The following TMPRSS15 variants were observed in gnomAD, a reference collection of about 807,000 sequenced individuals.
The protein encoded by TMPRSS15 is transmembrane serine protease 15.
A neutral mutation model predicts 125.3 loss-of-function variants in TMPRSS15; 128 were observed. That is an observed-to-expected ratio of 1.02 (90% confidence interval 0.89 to 1.18). The LOEUF is 1.18. Ranked by LOEUF, TMPRSS15 falls within the 50% of genes most tolerant of loss-of-function variation. TMPRSS15 has a pLI of 0.00. For missense variants in TMPRSS15, 1,283 were observed against 1,212.7 expected, an observed-to-expected ratio of 1.06 and a Z score of -0.86; for synonymous variants, 446 against 423.2, an observed-to-expected ratio of 1.05 and a Z score of -0.66.
chr21:18,355,431 C>A (rs1169490868), intron 8 of TMPRSS15, among the ~76,000 whole-genome samples: 1 of 151,802 alleles, frequency 6.6e-6, no homozygotes, highest in African/African-American at 2.4e-5. Flanking sequence ...TTCAGAGATA[C>A]ATGAAAATCT....
chr21:18,397,795 CTATA>C, intron 3 of TMPRSS15, 80 bp downstream of exon 3: 2 of 718,736 alleles, frequency 2.8e-6, no homozygotes. Flanking sequence ...TCCTCTTTTC[CTATA>C]TATAGTGATG....
At chr21:18,373,848 A>C (rs938219234) in intron 5 of TMPRSS15, among the ~76,000 whole-genome samples, 3 of 152,198 alleles carry the variant, frequency 2.0e-5, no homozygotes, top group African/African-American at 4.8e-5. Context: ...TCTCATGATT[A>C]ATCATTTATT....
intron 1 of TMPRSS15, among the ~76,000 whole-genome samples, chr21:18,425,444 G>C (rs897163547): frequency 2.0e-5 from 3 of 152,038 alleles, no homozygotes; most frequent in African/African-American, 7.2e-5. Context: ...CAGGAGATTA[G>C]TGAAAAGAAG....
At chr21:18,344,192 A>G (rs1202301344) in intron 10 of TMPRSS15, 132 bp from the exon 11 acceptor site, 4 of 766,694 alleles carry the variant, frequency 5.2e-6, no homozygotes, top group Admixed American at 2.4e-5. Context: ...TATAGTGGAC[A>G]GGACACTAGA....
intron 1 of TMPRSS15, among the ~76,000 whole-genome samples, chr21:18,452,639 C>G (rs1355871484): frequency 1.3e-5 from 2 of 152,142 alleles, no homozygotes; most frequent in Non-Finnish European, 2.9e-5. Flanking sequence ...TCAGTACACT[C>G]CAGCCTGTCT....
intron 1 of TMPRSS15, among the ~76,000 whole-genome samples, chr21:18,435,080 AT>A (rs201980204): frequency 1.3e-5 from 2 of 152,016 alleles, no homozygotes; most frequent in Middle Eastern, 3.4e-3. Context: ...AAAAACACCA[AT>A]TTTTTTTACA....
chr21:18,470,847 A>G (rs1227555089), intron 1 of TMPRSS15, among the ~76,000 whole-genome samples: 3 of 152,090 alleles, frequency 2.0e-5, no homozygotes, highest in African/African-American at 4.8e-5. Flanking sequence ...AATTTATACA[A>G]TGAAGGTTTT....
chr21:18,485,339 C>T (rs983654710), intron 1 of TMPRSS15, among the ~76,000 whole-genome samples: 4 of 151,700 alleles, frequency 2.6e-5, no homozygotes, highest in Non-Finnish European at 4.4e-5. Context: ...AGCTAAGACC[C>T]TCAGTTCAAT....
Position 18,352,948 on chromosome 21 carries a change from G to C in TMPRSS15, c.1126C>G (p.Pro376Ala), listed in dbSNP as rs200225629. ...WERIQGSTFS[P>A]FTGPNFDHTF... The stretch of plus-strand genomic sequence containing the variant: ...TGGTCAAAATTGGGTCCAGTAAAAG[G>C]AGAAAAGGTGCTTCCCTGAATCCTT... The change falls in exon 10 of 25, where the codon CCT becomes GCT. Residue 376 changes from proline (P) to alanine (A), a missense_variant. Transcript: ENST00000284885. The C allele has an allele frequency of 1.7e-5, 28 of 1,612,204 alleles. No individual in the cohort carries two copies. The highest frequency in any genetic ancestry group is 1.8e-5 in the Non-Finnish European group (21 of 1,178,896).
At chr21:18,365,649 C>CCTTTCTTCCTTCCTT (rs1555904783) in intron 6 of TMPRSS15, among the ~76,000 whole-genome samples, 1 of 65,812 alleles carries the variant, frequency 1.5e-5, no homozygotes, top group African/African-American at 6.9e-5. Context: ...TCTTTTTCCT[C>CCTTTCTTCCTTCCTT]CCTTCCTTCC....
At chr21:18,402,854 A>G (rs192499355) in intron 1 of TMPRSS15, among the ~76,000 whole-genome samples, 2 of 152,326 alleles carry the variant, frequency 1.3e-5, no homozygotes, top group East Asian at 3.9e-4. Context: ...GTAGCTACAC[A>G]ATACATTTGA....
chr21:18,365,558 CTT>C (rs1473026068), intron 6 of TMPRSS15, among the ~76,000 whole-genome samples: 3 of 98,582 alleles, frequency 3.0e-5, no homozygotes, highest in African/African-American at 4.3e-5. Context: ...CCTTTTCTCT[CTT>C]TCTTTCTCTC....
At chr21:18,350,108 T>A (rs980207773) in intron 10 of TMPRSS15, among the ~76,000 whole-genome samples, 2 of 152,090 alleles carry the variant, frequency 1.3e-5, no homozygotes, top group African/African-American at 4.8e-5. Context: ...AAAAAAAAGA[T>A]CAGATTATTT....
intron 1 of TMPRSS15, among the ~76,000 whole-genome samples, chr21:18,483,233 G>A (rs1319540034): frequency 6.6e-6 from 1 of 151,780 alleles, no homozygotes; most frequent in African/African-American, 2.4e-5. Flanking sequence ...AAAGCGCACT[G>A]AGTTCAGATA....
intron 19 of TMPRSS15, among the ~76,000 whole-genome samples, chr21:18,297,061 T>C (rs924815276): frequency 3.3e-5 from 5 of 152,178 alleles, no homozygotes; most frequent in African/African-American, 1.2e-4. Flanking sequence ...AGCTGTTCTT[T>C]AATGGAACTG....
intron 1 of TMPRSS15, among the ~76,000 whole-genome samples, chr21:18,436,682 CA>C (rs1225005106): frequency 6.6e-6 from 1 of 150,700 alleles, no homozygotes; most frequent in Non-Finnish European, 1.5e-5. Flanking sequence ...AGTGAACTCC[CA>C]TTCACAATTG....
chr21:18,299,734 C>G (rs963650669), intron 18 of TMPRSS15, among the ~76,000 whole-genome samples: 4 of 152,148 alleles, frequency 2.6e-5, no homozygotes, highest in African/African-American at 9.7e-5. Flanking sequence ...GACACATTCT[C>G]AAAGTGATGC....
chr21:18,343,641 A>C lies in TMPRSS15; in HGVS notation c.1293T>G (p.Gly431=). The part of the protein sequence containing the change: ...ACLSFWYHMY[G]ENVHKLSINI... The stretch of plus-strand genomic sequence containing the variant: ...TAATGCTTAATTTATGGACATTTTC[A>C]CCATACATATGATACCTAGTTTGGA... Residue 431 remains glycine, a synonymous_variant, in exon 12 of 25, where the codon GGT becomes GGG. Transcript: ENST00000284885. 6.2e-7 allele frequency: 1 copy of C among 1,613,628 alleles called. No individual in the cohort carries two copies.
intron 1 of TMPRSS15, among the ~76,000 whole-genome samples, chr21:18,436,116 T>G (rs903033378): frequency 8.6e-5 from 13 of 151,590 alleles, no homozygotes; most frequent in African/African-American, 3.2e-4. Context: ...AAGGGTTTTT[T>G]GTGTCTCTAT....
Sources: gnomAD v4.1 joint callset for allele counts (sites outside exome capture counted in the v4.1 genomes callset) on GRCh38, gnomAD v4.1.1 for gene constraint, MANE v1.5 for transcripts, NCBI Gene and HGNC (gene_info 2026-07-23, HGNC 2026-07-21) for gene names.